The following DPP6 variants were observed in gnomAD, a reference collection of about 807,000 sequenced individuals.
DPP6 encodes A-type potassium channel modulatory protein DPP6.
Under a neutral mutation model 122.6 loss-of-function variants are expected in DPP6, and 69 were observed. The observed-to-expected ratio is 0.56, with a 90% CI of 0.46 to 0.69. DPP6 has a LOEUF of 0.69. Ranked by LOEUF, DPP6 falls within the 30% of genes least tolerant of loss-of-function variation. DPP6 has a pLI of 0.00. For synonymous variants in DPP6, 418 were observed against 433.1 expected, an observed-to-expected ratio of 0.97 and a Z score of 0.43; for missense variants, 928 against 1,116.9, an observed-to-expected ratio of 0.83 and a Z score of 2.41.
the DPP6 span, among the ~76,000 whole-genome samples, chr7:153,787,167 A>G: frequency 1.2e-4 from 16 of 134,376 alleles, no homozygotes; most frequent in African/African-American, 3.0e-4. Flanking sequence ...AGCCAGGATG[A>G]TCTTGATCTC....
Position 154,481,303 on chromosome 7 carries a change from C to T in DPP6, c.457+6266C>T, listed in dbSNP as rs1823253259. On this transcript the variant is annotated intron_variant, in intron 3 of 25. Coordinates refer to ENST00000377770, the MANE Select transcript of DPP6 (RefSeq NM_130797.4). The surrounding 1 kb of genome is among the most constrained non-coding windows in gnomAD (Gnocchi z 4.2). ...GATGATGAGTTTCAATTCTCTAGCTCAAATGCTCTTCCGAGCTATACACTT... is the reference window on the plus strand; with the variant it reads ...GATGATGAGTTTCAATTCTCTAGCTTAAATGCTCTTCCGAGCTATACACTT... 6.6e-6 allele frequency among the ~76,000 whole-genome samples: 1 copy of T among 151,916 alleles called. No homozygotes were observed. Among genetic ancestry groups the T allele is most frequent in the Admixed American group, 6.6e-5 (1 of 15,258 alleles).
At chr7:154,577,801 C>G (rs1182401672) in intron 5 of DPP6, among the ~76,000 whole-genome samples, 1 of 152,168 alleles carries the variant, frequency 6.6e-6, no homozygotes, top group African/African-American at 2.4e-5. Flanking sequence ...TGGCCATTAT[C>G]GTAGCTCATT....
At chr7:153,992,790 C>T (rs553158572) in intron 1 of DPP6, among the ~76,000 whole-genome samples, 1 of 152,196 alleles carries the variant, frequency 6.6e-6, no homozygotes, top group Non-Finnish European at 1.5e-5. Context: ...TCCAAAAAAG[C>T]TCTAAACGTT....
chr7:154,285,116 T>C (rs1353656048), intron 1 of DPP6, among the ~76,000 whole-genome samples: 1 of 152,252 alleles, frequency 6.6e-6, no homozygotes, highest in Non-Finnish European at 1.5e-5. Context: ...TGAATGCATT[T>C]ATTGCCACTG....
At chr7:154,791,017 C>T (rs879900593) in intron 10 of DPP6, among the ~76,000 whole-genome samples, 3 of 152,008 alleles carry the variant, frequency 2.0e-5, no homozygotes, top group Non-Finnish European at 2.9e-5. Context: ...TTTGGGAGGC[C>T]GAGGCTGGCA....
intron 5 of DPP6, among the ~76,000 whole-genome samples, chr7:154,594,591 AATC>A (rs1182696656): frequency 6.6e-6 from 1 of 152,122 alleles, no homozygotes; most frequent in Non-Finnish European, 1.5e-5. Flanking sequence ...TTTGCCATCT[AATC>A]ATATCCACTC....
chr7:154,334,828 A>G (rs1374403175), intron 1 of DPP6, among the ~76,000 whole-genome samples: 1 of 152,200 alleles, frequency 6.6e-6, no homozygotes, highest in Non-Finnish European at 1.5e-5. Context: ...GCTGGTAGGC[A>G]GAGGTTACAG....
At chr7:153,973,152 AAAC>A (rs1352838119) in intron 1 of DPP6, among the ~76,000 whole-genome samples, 1 of 152,190 alleles carries the variant, frequency 6.6e-6, no homozygotes, top group African/African-American at 2.4e-5. Flanking sequence ...AAAGAAAAAA[AAAC>A]TACAATAAAA....
chr7:153,833,545 C>T, the DPP6 span, among the ~76,000 whole-genome samples: 1 of 152,020 alleles, frequency 6.6e-6, no homozygotes, highest in Non-Finnish European at 1.5e-5. Flanking sequence ...TGGTGGCGTG[C>T]CTGTAATTCC....
At chr7:154,199,216 C>A (rs1293161745) in intron 1 of DPP6, among the ~76,000 whole-genome samples, 1 of 152,190 alleles carries the variant, frequency 6.6e-6, no homozygotes, top group African/African-American at 2.4e-5. Context: ...GGGCTGTTTG[C>A]AGGCTATTCA....
intron 20 of DPP6, chr7:154,876,315 A>C (rs568885837): frequency 1.1e-6 from 1 of 870,180 alleles, no homozygotes; most frequent in South Asian, 4.0e-5. Flanking sequence ...TTCCCACTGC[A>C]GGGTAGATTG....
intron 4 of DPP6, among the ~76,000 whole-genome samples, chr7:154,564,801 T>C (rs527985902): frequency 6.6e-6 from 1 of 152,240 alleles, no homozygotes; most frequent in South Asian, 2.1e-4. Flanking sequence ...TTCTCAGGCA[T>C]AGTGGCAGAA....
chr7:154,049,076 G>A (rs1480110175), upstream of DPP6, among the ~76,000 whole-genome samples: 1 of 150,854 alleles, frequency 6.6e-6, no homozygotes, highest in Non-Finnish European at 1.5e-5. Flanking sequence ...CAGCATGGAA[G>A]AATTAAACTC....
intron 3 of DPP6, among the ~76,000 whole-genome samples, chr7:154,524,723 C>T (rs1237840306): frequency 6.6e-6 from 1 of 152,106 alleles, no homozygotes; most frequent in East Asian, 1.9e-4. Context: ...ATTCCATTGC[C>T]CAATTCTAGT....
intron 3 of DPP6, chr7:154,475,498 G>T (rs992637103): frequency 9.5e-6 from 2 of 210,798 alleles, no homozygotes; most frequent in South Asian, 1.6e-4. Flanking sequence ...GCTTCCAAAT[G>T]AAACTTGGAG....
At chr7:154,189,091 C>T (rs533713673) in intron 1 of DPP6, among the ~76,000 whole-genome samples, 3 of 152,254 alleles carry the variant, frequency 2.0e-5, no homozygotes, top group African/African-American at 4.8e-5. Context: ...CTGTGGGTCT[C>T]CCTGAAACCA....
chr7:153,761,073 G>A, the DPP6 span, among the ~76,000 whole-genome samples: 600 of 152,226 alleles, frequency 3.9e-3, 2 homozygotes, highest in African/African-American at 0.014. Flanking sequence ...CAGTAAGCTC[G>A]GGATAAATGG....
the DPP6 span, among the ~76,000 whole-genome samples, chr7:153,830,409 TTA>T: frequency 6.6e-6 from 1 of 152,194 alleles, no homozygotes; most frequent in African/African-American, 2.4e-5. Flanking sequence ...TTGTGCACAT[TTA>T]AAAAAATGAA....
the DPP6 span, among the ~76,000 whole-genome samples, chr7:153,773,938 T>G: frequency 6.7e-6 from 1 of 149,196 alleles, no homozygotes; most frequent in Non-Finnish European, 1.5e-5. Flanking sequence ...TAAAGATCAA[T>G]AAAATTGATA....
Sources: allele counts gnomAD v4.1 joint callset (sites outside exome capture counted in the v4.1 genomes callset), GRCh38; gene constraint gnomAD v4.1.1; non-coding constraint Gnocchi (gnomAD v3.1); transcripts MANE v1.5; gene names NCBI Gene and HGNC (gene_info 2026-07-23, HGNC 2026-07-21).